Variants in VPS8 observed in about 807,000 individuals in gnomAD.
VPS8 encodes the protein vacuolar protein sorting-associated protein 8 homolog.
VPS8 carries 129 observed loss-of-function variants against 216.4 expected under a neutral mutation model. The observed-to-expected ratio is 0.60, with a 90% CI of 0.52 to 0.69. The LOEUF (loss-of-function observed/expected upper bound fraction) is 0.69. Ranked by LOEUF, VPS8 falls within the 30% of genes least tolerant of loss-of-function variation. VPS8 has a pLI of 0.00. For missense variants in VPS8, 1,531 were observed against 1,683.5 expected, an observed-to-expected ratio of 0.91 and a Z score of 1.59; for synonymous variants, 571 against 565.4, an observed-to-expected ratio of 1.01 and a Z score of -0.14.
intron 15 of VPS8, among the ~76,000 whole-genome samples, chr3:184,862,176 G>C (rs1022508417): frequency 6.6e-6 from 1 of 152,232 alleles, no homozygotes; most frequent in South Asian, 2.1e-4. Flanking sequence ...TCGTTCTGGC[G>C]ACTTCTGAAT....
chr3:184,850,666 C>T (rs1187370247), intron 10 of VPS8, among the ~76,000 whole-genome samples: 1 of 152,122 alleles, frequency 6.6e-6, no homozygotes, highest in Non-Finnish European at 1.5e-5. Flanking sequence ...CGCTGTCAAG[C>T]CCATGTTCAG....
intron 7 of VPS8, among the ~76,000 whole-genome samples, chr3:184,842,023 T>C (rs1377773467): frequency 6.6e-6 from 1 of 151,934 alleles, no homozygotes; most frequent in East Asian, 1.9e-4. Flanking sequence ...TTGGTTCCCA[T>C]TTACCAGTAC....
At chr3:184,898,894 T>C (rs1358737705) in intron 24 of VPS8, among the ~76,000 whole-genome samples, 1 of 152,208 alleles carries the variant, frequency 6.6e-6, no homozygotes, top group East Asian at 1.9e-4. Flanking sequence ...GAACAATAGA[T>C]AAAATTTAAA....
At chr3:185,009,504 T>G (rs1173290205) in intron 45 of VPS8, among the ~76,000 whole-genome samples, 7 of 152,228 alleles carry the variant, frequency 4.6e-5, no homozygotes, top group Non-Finnish European at 7.3e-5. Flanking sequence ...CAAGCCCTTG[T>G]CTAAGTCACT....
At position 184,832,949 on chromosome 3, in the gene VPS8, T is replaced by C. The variant is rs1316598741; in HGVS notation, c.353+130T>C. On this transcript the variant is annotated intron_variant, in intron 4 of 47. Coordinates refer to ENST00000625842, the MANE Select transcript of VPS8 (RefSeq NM_001009921.3). ...CATGGGAAGTAGAAGGGATATAATA[T>C]CTTGAAAATTTTGGTACCATTAAGG... is the stretch of plus-strand genomic sequence containing the variant. 15 of 1,182,018 alleles carry C rather than the reference T, an allele frequency of 1.3e-5. No individual in the cohort carries two copies. The Admixed American group carries it at 3.7e-4, about 29-fold the overall frequency. The allele number at this position is 1,182,018 out of a possible 1,614,324, so 73.2% of individuals were successfully genotyped here.
intron 42 of VPS8, among the ~76,000 whole-genome samples, chr3:184,993,286 T>C (rs894201420): frequency 6.6e-6 from 1 of 152,150 alleles, no homozygotes; most frequent in African/African-American, 2.4e-5. Flanking sequence ...CATCAAAATA[T>C]CAACAGTGTT....
At position 184,852,487 on chromosome 3, in the gene VPS8, C is replaced by T; in HGVS notation, c.754-13C>T. The T allele has an allele frequency of 1.9e-6, 3 of 1,607,554 alleles. No homozygotes were observed. Among genetic ancestry groups the T allele is most frequent in the Non-Finnish European group, 2.5e-6 (3 of 1,177,850 alleles). On this transcript the variant is annotated splice_polypyrimidine_tract_variant and intron_variant, in intron 10 of 47. Coordinates refer to ENST00000625842, the MANE Select transcript of VPS8 (RefSeq NM_001009921.3). Reference sequence around the variant, plus strand: ...TAAAAATGTACAAGAAAATAAATTCCTTCTCTGTTTAGTTTACAGATGATC... The same window carrying T: ...TAAAAATGTACAAGAAAATAAATTCTTTCTCTGTTTAGTTTACAGATGATC...
intron 3 of VPS8, among the ~76,000 whole-genome samples, chr3:184,831,892 C>T (rs948689149): frequency 6.6e-6 from 1 of 152,174 alleles, no homozygotes; most frequent in Non-Finnish European, 1.5e-5. Context: ...TCATACTGCC[C>T]CACCTATCTT....
intron 14 of VPS8, among the ~76,000 whole-genome samples, chr3:184,859,338 T>C (rs1725860199): frequency 6.6e-6 from 1 of 152,240 alleles, no homozygotes. Context: ...CCACCGAAGC[T>C]TCACCATAAA....
At chr3:184,865,504 AT>A (rs1221590379) in intron 16 of VPS8, among the ~76,000 whole-genome samples, 1 of 152,204 alleles carries the variant, frequency 6.6e-6, no homozygotes, top group Non-Finnish European at 1.5e-5. Context: ...GCTCAACATC[AT>A]TAGGTATTAG....
intron 34 of VPS8, among the ~76,000 whole-genome samples, chr3:184,935,799 T>A (rs1741500281): frequency 1.3e-5 from 2 of 152,238 alleles, no homozygotes; most frequent in Admixed American, 1.3e-4. Flanking sequence ...CTTAAAATGC[T>A]TGCAGTTTCT....
At chr3:184,812,556 G>C (rs1463606341) in intron 1 of VPS8, 1 of 152,282 alleles carries the variant, frequency 6.6e-6, no homozygotes, top group Non-Finnish European at 1.5e-5. Context: ...ACCTGGAAGG[G>C]GCTGAGGTAT....
At chr3:184,904,460 T>A (rs891864081) in intron 25 of VPS8, among the ~76,000 whole-genome samples, 1 of 152,230 alleles carries the variant, frequency 6.6e-6, no homozygotes. Flanking sequence ...GATTATCTTG[T>A]GGGTTTTGTC....
intron 21 of VPS8, among the ~76,000 whole-genome samples, chr3:184,884,658 G>A (rs1040380826): frequency 1.3e-5 from 2 of 151,960 alleles, no homozygotes; most frequent in Non-Finnish European, 2.9e-5. Context: ...TGAGGATGTG[G>A]CTTTTTAAGA....
At chr3:184,957,928 G>A (rs925106860) in intron 37 of VPS8, among the ~76,000 whole-genome samples, 19 of 152,134 alleles carry the variant, frequency 1.2e-4, no homozygotes, top group Admixed American at 1.2e-3. Flanking sequence ...TGCCTTCTCC[G>A]GGCCAATAAG....
intron 42 of VPS8, 76 bp from the exon 43 acceptor site, chr3:184,993,907 C>G: frequency 8.3e-7 from 1 of 1,210,768 alleles, no homozygotes; most frequent in Non-Finnish European, 1.1e-6. Flanking sequence ...AAGCATTTGG[C>G]TTTTTCAGAT....
chr3:184,972,003 G>A (rs1196202522), intron 40 of VPS8, among the ~76,000 whole-genome samples: 1 of 151,988 alleles, frequency 6.6e-6, no homozygotes, highest in East Asian at 1.9e-4. Context: ...TTGAACCCAG[G>A]AGGCGGAGGT....
chr3:185,024,504 G>A (rs1192290229), intron 46 of VPS8, 115 bp downstream of exon 46: 12 of 1,187,518 alleles, frequency 1.0e-5, no homozygotes, highest in South Asian at 1.5e-5. Context: ...GCTGTCAAGG[G>A]TTATTTCTGA....
chr3:184,863,176 T>C lies in VPS8; in HGVS notation c.1395+109T>C, dbSNP rs1362073996. On this transcript the variant is annotated intron_variant, in intron 16 of 47. Transcript: ENST00000625842. ...CTCTGGGGAGTTACCTTTTTCTGTCTTGAGGTGTTTCTTTACAAGCCACTA... is the reference window on the plus strand; with the variant it reads ...CTCTGGGGAGTTACCTTTTTCTGTCCTGAGGTGTTTCTTTACAAGCCACTA... 6.7e-6 allele frequency: 9 copies of C among 1,346,540 alleles called. No individual in the cohort carries two copies. In the South Asian group the frequency reaches 1.3e-4, roughly 19 times the overall value. The allele number at this position is 1,346,540 out of a possible 1,614,324, so 83.4% of individuals were successfully genotyped here. A position where few individuals can be genotyped will look rare whatever the true frequency, so the allele number is the denominator to read the frequency against.
Sources: allele counts gnomAD v4.1 joint callset (sites outside exome capture counted in the v4.1 genomes callset), GRCh38; gene constraint gnomAD v4.1.1; transcripts MANE v1.5; gene names NCBI Gene and HGNC (gene_info 2026-07-23, HGNC 2026-07-21).